The following STARD3 variants were observed in gnomAD, a reference collection of about 807,000 sequenced individuals.
STARD3 encodes stAR-related lipid transfer protein 3.
Under a neutral mutation model 62.0 loss-of-function variants are expected in STARD3, and 39 were observed. That is an observed-to-expected ratio of 0.63 (90% CI 0.49 to 0.82). The LOEUF is 0.82. STARD3 is among the 40% of genes least tolerant of loss of function. The pLI, the probability that STARD3 is intolerant of heterozygous loss-of-function variation, is 0.00. For missense variants in STARD3, 543 were observed against 584.5 expected, an observed-to-expected ratio of 0.93 and a Z score of 0.73; for synonymous variants, 229 against 242.4, an observed-to-expected ratio of 0.94 and a Z score of 0.51.
chr17:39,659,486 A>T lies in STARD3; in HGVS notation c.728A>T (p.Lys243Met). Residue 243 changes from lysine (K) to methionine (M), a missense_variant, in exon 9 of 15, where the codon AAG becomes ATG. Lys to Met is a moderately conservative substitution (Grantham distance 95, BLOSUM62 -1). Coordinates refer to ENST00000336308, the MANE Select transcript of STARD3 (RefSeq NM_006804.4). ...GAGCGGGAGTACATCCGCCAGGGGA[A>T]GGAGGCCACGGCAGTGGTGGACCAG... Reference protein sequence around the residue: ...AQEREYIRQGKEATAVVDQIL... With the variant: ...AQEREYIRQGMEATAVVDQIL... 1 of 1,614,128 alleles carries T rather than the reference A, an allele frequency of 6.2e-7. No homozygotes were observed. Among genetic ancestry groups the T allele is most frequent in the South Asian group, 1.1e-5 (1 of 91,090 alleles).
At position 39,660,880 on chromosome 17, in the gene STARD3, T is replaced by C; in HGVS notation, c.1025T>C (p.Val342Ala). The change falls in exon 12 of 15, where the codon GTC (valine) becomes GCC (alanine). Residue 342 changes from valine to alanine, a missense_variant. Coordinates refer to ENST00000336308, the MANE Select transcript of STARD3 (RefSeq NM_006804.4). The surrounding 1 kb of genome is among the most constrained non-coding windows in gnomAD (Gnocchi z 4.8). ...DVSAGAAGGV[V>A]SPRDFVNVRR... The stretch of plus-strand genomic sequence containing the variant: ...TCTGCAGGGGCTGCGGGCGGCGTGG[T>C]CTCCCCAAGGTGAGTCCATGCCGGG... The C allele has an allele frequency of 6.2e-7, 1 of 1,601,502 alleles. No homozygotes were observed. The highest frequency in any genetic ancestry group is 8.5e-7 in the Non-Finnish European group (1 of 1,171,748).
chr17:39,640,332 C>G (rs1410729294), intron 1 of STARD3, among the ~76,000 whole-genome samples: 1 of 152,202 alleles, frequency 6.6e-6, no homozygotes, highest in East Asian at 1.9e-4. Flanking sequence ...GACTCCAGGT[C>G]TGCATGTCTC....
intron 13 of STARD3, chr17:39,661,293 A>G (rs185454649): frequency 9.6e-4 from 561 of 585,870 alleles, no homozygotes; most frequent in Middle Eastern, 3.2e-3. Flanking sequence ...GACAGCTGGA[A>G]CCAAGCCACC....
chr17:39,661,256 C>T (rs2145046911), intron 13 of STARD3, 171 bp downstream of exon 13: 2 of 640,962 alleles, frequency 3.1e-6, no homozygotes, highest in South Asian at 3.8e-5. Flanking sequence ...AATCTTGCTG[C>T]TCTGTCTGTG....
chr17:39,660,811 T>C lies in STARD3; in HGVS notation c.956T>C (p.Ile319Thr). ...AAAGTCTCCGTTGACGGCCCTCAGA[T>C]CCTGCAGCGAGTGGAAGACAACACC... is the stretch of plus-strand genomic sequence containing the variant. ...LWNKTVTACQ[I>T]LQRVEDNTLI... The change falls in exon 12 of 15, where the codon ATC (isoleucine) becomes ACC (threonine). Residue 319 changes from isoleucine to threonine, a missense_variant and splice_region_variant. Coordinates refer to ENST00000336308, the MANE Select transcript of STARD3 (RefSeq NM_006804.4). The surrounding 1 kb of genome is among the most constrained non-coding windows in gnomAD (Gnocchi z 4.8). 6.3e-7 allele frequency: 1 copy of C among 1,581,034 alleles called. No individual in the cohort carries two copies. The highest frequency in any genetic ancestry group is 8.6e-7 in the Non-Finnish European group (1 of 1,163,360).
intron 5 of STARD3, 158 bp downstream of exon 5, chr17:39,658,184 A>C (rs893045668): frequency 2.1e-6 from 2 of 950,350 alleles, no homozygotes; most frequent in African/African-American, 3.3e-5. Context: ...ATCATCCTTC[A>C]CCCGCTTCCC....
intron 1 of STARD3, among the ~76,000 whole-genome samples, chr17:39,644,686 A>AAAG (rs1314346292): frequency 2.6e-5 from 4 of 150,952 alleles, no homozygotes; most frequent in African/African-American, 9.8e-5. Flanking sequence ...AAAAAAAAAA[A>AAAG]AAGAAGAAGA....
Position 39,661,090 on chromosome 17 carries a change from G to T in STARD3, c.1139+5G>T. The T allele has an allele frequency of 6.2e-7, 1 of 1,612,808 alleles. No individual in the cohort carries two copies. Among genetic ancestry groups the T allele is most frequent in the Non-Finnish European group, 8.5e-7 (1 of 1,179,712 alleles). On this transcript the variant is annotated splice_donor_5th_base_variant and intron_variant, in intron 13 of 14. Coordinates refer to ENST00000336308, the MANE Select transcript of STARD3 (RefSeq NM_006804.4). The stretch of plus-strand genomic sequence containing the variant: ...CCCGACGCACAAATATGTCCGGTGA[G>T]CCTCACTTTGCCTGGGGTCACCCCT...
At position 39,660,336 on chromosome 17, in the gene STARD3, G is replaced by C. The variant is rs373655082; in HGVS notation, c.858+63G>C. On this transcript the variant is annotated intron_variant, in intron 10 of 14. Transcript: ENST00000336308. The surrounding 1 kb of genome is among the most constrained non-coding windows in gnomAD (Gnocchi z 4.8). ...GCACAGGAGGCTCCAGGAAGGTGCCGAGGGGCCCTCTGGTGGGTGCCCCCC... is the reference window on the plus strand; with the variant it reads ...GCACAGGAGGCTCCAGGAAGGTGCCCAGGGGCCCTCTGGTGGGTGCCCCCC... The C allele has an allele frequency of 2.5e-6, 4 of 1,611,808 alleles. No homozygotes were observed. Among genetic ancestry groups the C allele is most frequent in the Non-Finnish European group, 3.4e-6 (4 of 1,178,476 alleles).
intron 1 of STARD3, chr17:39,653,192 G>T: frequency 2.5e-6 from 1 of 392,504 alleles, no homozygotes; most frequent in Non-Finnish European, 4.7e-6. Flanking sequence ...GGATCCAGGA[G>T]GGGGTAGGTG....
intron 1 of STARD3, 32 bp downstream of exon 1, chr17:39,637,263 G>A (rs2056938051): frequency 6.6e-6 from 1 of 152,292 alleles, no homozygotes; most frequent in Admixed American, 6.5e-5. Context: ...GGGAGCGGGT[G>A]GCGTGCGAGG....
intron 2 of STARD3, 115 bp from the exon 3 acceptor site, chr17:39,656,893 A>G (rs996497695): frequency 5.9e-6 from 6 of 1,013,872 alleles, no homozygotes; most frequent in African/African-American, 1.6e-5. Flanking sequence ...GCTTAGCATC[A>G]ACAGCCTCCC....
intron 2 of STARD3, among the ~76,000 whole-genome samples, chr17:39,654,266 G>A (rs1216392594): frequency 2.0e-5 from 3 of 152,198 alleles, no homozygotes; most frequent in Non-Finnish European, 4.4e-5. Flanking sequence ...GCCAGGTGTG[G>A]TGGTGCACAC....
rs968763370 is a variant in STARD3 at position 39,661,048 on chromosome 17, TCA to T, written c.1107_1108del (p.His369GlnfsTer27). ...DRYLSSGIAT[S>X]HSAKPPTHKY... ...ATACTTGTCATCAGGGATCGCCACCTCACACAGTGCCAAGCCCCCGACGCACA... is the reference window on the plus strand; with the variant it reads ...ATACTTGTCATCAGGGATCGCCACCTCACAGTGCCAAGCCCCCGACGCACA... On this transcript the variant is annotated frameshift_variant, in exon 13 of 15. Transcript: ENST00000336308. LOFTEE classifies it high-confidence loss of function. 1 of 1,613,666 alleles carries T rather than the reference TCA, an allele frequency of 6.2e-7. No individual in the cohort carries two copies. The highest frequency in any genetic ancestry group is 2.2e-5 in the East Asian group (1 of 44,864).
intron 1 of STARD3, among the ~76,000 whole-genome samples, chr17:39,645,238 C>A (rs2057014786): frequency 6.6e-6 from 1 of 152,178 alleles, no homozygotes; most frequent in Admixed American, 6.5e-5. Flanking sequence ...TCCTCTACTT[C>A]CTGCCCCTCC....
rs527442354 is a variant in STARD3 at position 39,653,585 on chromosome 17, C to T, written c.54C>T (p.Ala18=). ...LTRDLERSLP[A]VASLGSSLSH... ...GAGACTTGGAGCGCAGCCTGCCTGC[C>T]GTGGCCTCCCTGGGCTCCTCACTGT... The change falls in exon 2 of 15, where the codon GCC becomes GCT. Residue 18 remains alanine (A), a synonymous_variant. Coordinates refer to ENST00000336308, the MANE Select transcript of STARD3 (RefSeq NM_006804.4). The T allele has an allele frequency of 1.9e-5, 30 of 1,610,996 alleles. No homozygotes were observed. The highest frequency in any genetic ancestry group is 6.7e-5 in the African/African-American group (5 of 75,048).
chr17:39,645,102 G>A lies in STARD3; in HGVS notation c.-52+7871G>A, dbSNP rs983880926. Among the ~76,000 whole-genome samples the A allele has an allele frequency of 7.9e-5, 12 of 152,168 alleles. No homozygotes were observed. The South Asian group carries it at 8.3e-4, about 11-fold the overall frequency. On this transcript the variant is annotated intron_variant, in intron 1 of 14. Coordinates refer to ENST00000336308, the MANE Select transcript of STARD3 (RefSeq NM_006804.4). ...CCTGCTGTCCTCCTCTTCTGTCTGC[G>A]GGAAGGGGCAGCCGATGCTGTTCCC...
chr17:39,660,287 G>C lies in STARD3; in HGVS notation c.858+14G>C. On this transcript the variant is annotated intron_variant, in intron 10 of 14. Coordinates refer to ENST00000336308, the MANE Select transcript of STARD3 (RefSeq NM_006804.4). The surrounding 1 kb of genome is among the most constrained non-coding windows in gnomAD (Gnocchi z 4.8). ...TTTATCCTGAAGGTGAGTGAGGGGA[G>C]CGGGTGTCCTGGAGCCCCAGACAGC... The C allele has an allele frequency of 1.2e-6, 2 of 1,614,026 alleles. No individual in the cohort carries two copies. The highest frequency in any genetic ancestry group is 1.7e-6 in the Non-Finnish European group (2 of 1,180,020).
At position 39,660,644 on chromosome 17, in the gene STARD3, C is replaced by A; in HGVS notation, c.954+118C>A. 2 of 1,376,428 alleles carry A rather than the reference C, an allele frequency of 1.5e-6. No homozygotes were observed. The highest frequency in any genetic ancestry group is 1.0e-6 in the Non-Finnish European group (1 of 977,008). 85.3% of individuals were successfully genotyped at this position (1,376,428 alleles called of 1,614,324 possible). ...ATCTGTACAGTGGGTGTGATGGTAA[C>A]AGTGCCTGCTCGGGAGGGTCGGGAG... On this transcript the variant is annotated intron_variant, in intron 11 of 14. Coordinates refer to ENST00000336308, the MANE Select transcript of STARD3 (RefSeq NM_006804.4). This position sits in a 1 kb window ranked among gnomAD's most constrained non-coding sequence, Gnocchi z 4.8.
Sources: allele counts gnomAD v4.1 joint callset (sites outside exome capture counted in the v4.1 genomes callset), GRCh38; gene constraint gnomAD v4.1.1; non-coding constraint Gnocchi (gnomAD v3.1); transcripts MANE v1.5; gene names NCBI Gene and HGNC (gene_info 2026-07-23, HGNC 2026-07-21).